The following LMO7 variants were observed in gnomAD, a reference collection of about 807,000 sequenced individuals.
The protein encoded by LMO7 is LIM domain 7, also known as LIM domain only protein 7.
A neutral mutation model predicts 206.5 loss-of-function variants in LMO7; 120 were observed. That is an observed-to-expected ratio of 0.58 (90% CI 0.50 to 0.68). The LOEUF (loss-of-function observed/expected upper bound fraction) is 0.68. Among genes scored for constraint, LMO7 ranks in the 30% least tolerant of loss-of-function variants. The probability of loss-of-function intolerance (pLI) is 0.00; values close to 1 mark genes in which losing one functional copy is unlikely to be tolerated. For synonymous variants in LMO7, 706 were observed against 681.5 expected (o/e 1.04, Z -0.56); for missense variants, 1,959 against 1,957.9 (o/e 1.00, Z -0.01).
rs760036448 is a variant in LMO7, at chr13:75,853,180, T to G, written c.4453T>G (p.Ser1485Ala). ...CAATCAGCCCACAGGATTCTATGCT[T>G]CTTCCTCTGTGCAAGACTTTAGTCG... ...WLNQPTGFYA[S>A]SSVQDFSRPP... The change falls in exon 28 of 31, where the codon TCT becomes GCT. Residue 1485 changes from serine to alanine, a missense_variant. Ser to Ala is a moderately conservative substitution (Grantham distance 99). Coordinates refer to ENST00000377534, the MANE Select transcript of LMO7 (RefSeq NM_001306080.2). 1 of 1,614,190 alleles carries G rather than the reference T, an allele frequency of 6.2e-7. No individual in the cohort carries two copies. The highest frequency in any genetic ancestry group is 8.5e-7 in the Non-Finnish European group (1 of 1,180,028).
rs566904749 is a variant in LMO7 at position 75,702,246 on chromosome 13, C to T, written c.70-10936C>T. ...AGCATTGCATTTTGCTGGCTGTTTC[C>T]CTGCTCCTTCCTTCTGGCTCTGTGA... On this transcript the variant is annotated intron_variant, in intron 1 of 30. Coordinates refer to ENST00000377534, the MANE Select transcript of LMO7 (RefSeq NM_001306080.2). Among the ~76,000 whole-genome samples, 13 of 152,228 alleles carry T rather than the reference C, an allele frequency of 8.5e-5. No individual in the cohort carries two copies. The South Asian group carries it at 1.2e-3, about 15-fold the overall frequency.
At chr13:75,822,762 CTATATATATATATATA>C (rs66789925) in intron 14 of LMO7, among the ~76,000 whole-genome samples, 16,869 of 108,456 alleles carry the variant, frequency 0.16, 1,484 homozygotes, top group Admixed American at 0.27. Flanking sequence ...TTTTTAGAAA[CTATATATATATATATA>C]TATATATATA....
chr13:75,796,896 A>G, intron 6 of LMO7, 147 bp downstream of exon 6: 1 of 607,604 alleles, frequency 1.6e-6, no homozygotes, highest in Non-Finnish European at 2.9e-6. Flanking sequence ...TGGGCTGAGT[A>G]AAGAGGAATG....
At chr13:75,740,552 C>G (rs2139156219) in intron 3 of LMO7, among the ~76,000 whole-genome samples, 1 of 152,276 alleles carries the variant, frequency 6.6e-6, no homozygotes, top group East Asian at 1.9e-4. Context: ...TTTAAAATAA[C>G]CACTTAAAGG....
intron 1 of LMO7, among the ~76,000 whole-genome samples, chr13:75,707,709 C>A (rs1356290263): frequency 2.0e-5 from 3 of 151,932 alleles, no homozygotes; most frequent in Non-Finnish European, 2.9e-5. Context: ...AAAATATAAG[C>A]TATTATTTAA....
At chr13:75,857,849 A>G (rs1192780779) in intron 30 of LMO7, 72 bp from the exon 31 acceptor site, 8 of 1,036,354 alleles carry the variant, frequency 7.7e-6, no homozygotes, top group Non-Finnish European at 1.2e-5. Flanking sequence ...GATGACTGCT[A>G]TGTATCCCAG....
At chr13:75,795,156 TA>T (rs2053816035) in intron 4 of LMO7, among the ~76,000 whole-genome samples, 1 of 152,196 alleles carries the variant, frequency 6.6e-6, no homozygotes. Context: ...CTGCTTTTTA[TA>T]GAAAACTGAC....
chr13:75,625,855 C>T (rs376287383), intron 2 of LMO7, among the ~76,000 whole-genome samples: 3 of 152,228 alleles, frequency 2.0e-5, no homozygotes, highest in African/African-American at 7.2e-5. Flanking sequence ...TCTGATGGAG[C>T]TGGCTCCAAG....
At chr13:75,809,240 CTT>C (rs770192018) in intron 11 of LMO7, 57 bp downstream of exon 11, 1 of 1,457,478 alleles carries the variant, frequency 6.9e-7, no homozygotes, top group Non-Finnish European at 9.6e-7. Context: ...CTTTGTATAA[CTT>C]ACTGTATTTC....
At chr13:75,827,292 T>G (rs1204202518) in intron 15 of LMO7, among the ~76,000 whole-genome samples, 1 of 152,158 alleles carries the variant, frequency 6.6e-6, no homozygotes, top group African/African-American at 2.4e-5. Context: ...TTAAGGGCTG[T>G]TTTAGGAATG....
chr13:75,800,734 C>T lies in LMO7; in HGVS notation c.513C>T (p.Tyr171=), dbSNP rs41286124. The T allele has an allele frequency of 5.1e-4, 828 of 1,613,952 alleles. No homozygotes were observed. Among genetic ancestry groups the T allele is most frequent in the Non-Finnish European group, 6.3e-4 (747 of 1,179,946 alleles). ...FLKRSGRDSG[Y]GDIWCPERGE... Reference sequence around the variant, plus strand: ...AAAGAAGTGGCAGGGACAGTGGCTACGGTGACATCTGGTGTCCTGAACGTG... The same window carrying T: ...AAAGAAGTGGCAGGGACAGTGGCTATGGTGACATCTGGTGTCCTGAACGTG... Residue 171 remains tyrosine (Y), a synonymous_variant, in exon 7 of 31, where the codon TAC becomes TAT. Transcript: ENST00000377534.
intron 3 of LMO7, among the ~76,000 whole-genome samples, chr13:75,757,210 C>A (rs977823418): frequency 2.0e-5 from 3 of 152,182 alleles, no homozygotes; most frequent in African/African-American, 7.2e-5. Flanking sequence ...TTGTCAGCCA[C>A]ATGAGTGAGC....
At chr13:75,758,327 C>A (rs924062567) in intron 3 of LMO7, among the ~76,000 whole-genome samples, 3 of 151,970 alleles carry the variant, frequency 2.0e-5, no homozygotes, top group Admixed American at 1.3e-4. Context: ...TTTATATATA[C>A]CCTTAGGGAC....
chr13:75,733,557 C>A (rs990609839), intron 3 of LMO7, among the ~76,000 whole-genome samples: 1 of 152,198 alleles, frequency 6.6e-6, no homozygotes, highest in South Asian at 2.1e-4. Flanking sequence ...GGAAAGGGAA[C>A]TCCCTGACCC....
upstream of LMO7, among the ~76,000 whole-genome samples, chr13:75,632,414 GAC>G (rs1292119417): frequency 2.6e-5 from 4 of 152,046 alleles, no homozygotes; most frequent in East Asian, 1.9e-4. Context: ...GGAAAAATCT[GAC>G]ACACTGTTAG....
chr13:75,805,871 T>G (rs1048562230), intron 9 of LMO7, 111 bp downstream of exon 9: 1 of 1,210,170 alleles, frequency 8.3e-7, no homozygotes, highest in Non-Finnish European at 1.2e-6. Flanking sequence ...GTCTAATTAG[T>G]TCTCTAGTAT....
intron 4 of LMO7, among the ~76,000 whole-genome samples, chr13:75,793,574 C>T (rs570194785): frequency 5.4e-4 from 82 of 152,294 alleles, no homozygotes; most frequent in African/African-American, 1.9e-3. Flanking sequence ...TTGCACCCGG[C>T]CATTGCTGTG....
intron 15 of LMO7, among the ~76,000 whole-genome samples, chr13:75,830,540 T>C (rs1236334670): frequency 6.6e-6 from 1 of 152,206 alleles, no homozygotes; most frequent in African/African-American, 2.4e-5. Context: ...TCCTCTCCTC[T>C]TTGCCTGTGT....
intron 3 of LMO7, among the ~76,000 whole-genome samples, chr13:75,731,109 A>C (rs1286102610): frequency 6.6e-6 from 1 of 151,976 alleles, no homozygotes; most frequent in East Asian, 1.9e-4. Flanking sequence ...TATTCTGTTG[A>C]TTTGGGGTGG....
Sources: gnomAD v4.1 joint callset for allele counts (sites outside exome capture counted in the v4.1 genomes callset) on GRCh38, gnomAD v4.1.1 for gene constraint, MANE v1.5 for transcripts, NCBI Gene and HGNC (gene_info 2026-07-23, HGNC 2026-07-21) for gene names.